ANTXR2: variants seen among roughly 807,000 people sequenced by gnomAD.
ANTXR2 encodes ANTXR cell adhesion molecule 2.
A neutral mutation model predicts 73.7 loss-of-function variants in ANTXR2; 44 were observed. The ratio of observed to expected loss-of-function variants is 0.60; its 90% CI spans 0.47 to 0.77. ANTXR2 has a LOEUF of 0.77. Among genes scored for constraint, ANTXR2 ranks in the 30% least tolerant of loss-of-function variants. ANTXR2 has a pLI of 0.00. For missense variants in ANTXR2, 604 were observed against 592.5 expected (o/e 1.02, Z -0.20); for synonymous variants, 217 against 205.9 (o/e 1.05, Z -0.46).
chr4:79,976,999 A>G lies in ANTXR2; in HGVS notation c.1428+622T>C, dbSNP rs1316309110. Among the ~76,000 whole-genome samples the G allele has an allele frequency of 5.3e-5, 8 of 152,250 alleles. No homozygotes were observed. The East Asian group carries it at 1.5e-3, about 29-fold the overall frequency. ...ATAGTACTACTATATTACTGAAATT[A>G]CAAAACTAGAGTAATTGTAGCCATA... On this transcript the variant is annotated intron_variant, in intron 16 of 16. Coordinates refer to ENST00000403729, the MANE Select transcript of ANTXR2 (RefSeq NM_058172.6).
intron 14 of ANTXR2, among the ~76,000 whole-genome samples, chr4:79,981,240 TGAGTA>T (rs1201315687): frequency 4.6e-5 from 7 of 152,310 alleles, no homozygotes; most frequent in African/African-American, 1.7e-4. Context: ...ATATACAGGT[TGAGTA>T]TAGTTCAAAA....
rs773943397 is a variant in ANTXR2 at position 80,055,470 on chromosome 4, G to A, written c.379-3C>T. 1 of 1,598,772 alleles carries A rather than the reference G, an allele frequency of 6.3e-7. No individual in the cohort carries two copies. Among genetic ancestry groups the A allele is most frequent in the Non-Finnish European group, 8.6e-7 (1 of 1,168,506 alleles). On this transcript the variant is annotated splice_polypyrimidine_tract_variant and splice_region_variant and intron_variant, in intron 4 of 16. Transcript: ENST00000403729. Reference sequence around the variant, plus strand: ...GCTTTCTGAATTTGTTCATTCGCCTGAAAATGAAGAATAATTATCCAACTC... The same window carrying A: ...GCTTTCTGAATTTGTTCATTCGCCTAAAAATGAAGAATAATTATCCAACTC...
chr4:79,958,053 T>G (rs974469102), intron 16 of ANTXR2, among the ~76,000 whole-genome samples: 1 of 152,072 alleles, frequency 6.6e-6, no homozygotes, highest in African/African-American at 2.4e-5. Context: ...CTCTTCCCTA[T>G]TCTTCATCTT....
At chr4:80,053,504 G>A (rs937485610) in intron 7 of ANTXR2, among the ~76,000 whole-genome samples, 5 of 151,714 alleles carry the variant, frequency 3.3e-5, no homozygotes, top group East Asian at 3.9e-4. Flanking sequence ...AGAAGAAACT[G>A]ATATTTTTTC....
In ANTXR2 at chr4:80,031,675, C is replaced by CACTT. The variant is rs746852524; in HGVS notation, c.810_813dup (p.Val272LysfsTer5). On this transcript the variant is annotated frameshift_variant, in exon 10 of 17. Transcript: ENST00000403729. LOFTEE classifies it high-confidence loss of function. ...GGACAAAGCATAGAATTAAGCTGTA[C>CACTT]ACTTACTGGTTTTACACCTAGAAAA... 6.6e-7 allele frequency: 1 copy of CACTT among 1,514,292 alleles called. No individual in the cohort carries two copies. Among genetic ancestry groups the CACTT allele is most frequent in the Non-Finnish European group, 8.8e-7 (1 of 1,137,466 alleles). The allele number at this position is 1,514,292 out of a possible 1,614,324, so 93.8% of individuals were successfully genotyped here.
chr4:80,007,228 A>G (rs1337688173), intron 12 of ANTXR2, among the ~76,000 whole-genome samples: 1 of 152,190 alleles, frequency 6.6e-6, no homozygotes, highest in African/African-American at 2.4e-5. Context: ...AAGGATGATG[A>G]AATCAGTCAG....
At chr4:79,918,297 A>G (rs998608154) in intron 16 of ANTXR2, among the ~76,000 whole-genome samples, 2 of 152,108 alleles carry the variant, frequency 1.3e-5, no homozygotes, top group Admixed American at 1.3e-4. Flanking sequence ...CTACTTGAAA[A>G]ATAAATGCTC....
At chr4:80,071,790 A>G (rs1393777885) in intron 1 of ANTXR2, 136 bp from the exon 2 acceptor site, 1 of 665,922 alleles carries the variant, frequency 1.5e-6, no homozygotes, top group Admixed American at 2.9e-5. Context: ...GGGTATCTGT[A>G]GCTGAAACTT....
intron 7 of ANTXR2, among the ~76,000 whole-genome samples, chr4:80,053,481 A>T (rs1172271789): frequency 6.6e-6 from 1 of 151,900 alleles, no homozygotes; most frequent in Admixed American, 6.6e-5. Flanking sequence ...TTAAAATCCC[A>T]GAACCAAATG....
At chr4:80,051,766 A>T (rs1733782832) in intron 7 of ANTXR2, among the ~76,000 whole-genome samples, 2 of 151,746 alleles carry the variant, frequency 1.3e-5, no homozygotes, top group African/African-American at 4.8e-5. Flanking sequence ...TAAAAGCAGA[A>T]CTACTACAGT....
At chr4:79,978,804 T>G (rs1300692404) in intron 14 of ANTXR2, among the ~76,000 whole-genome samples, 2 of 152,232 alleles carry the variant, frequency 1.3e-5, no homozygotes, top group Non-Finnish European at 2.9e-5. Flanking sequence ...ATGTATTTTA[T>G]ACAAAAGAGT....
intron 16 of ANTXR2, among the ~76,000 whole-genome samples, chr4:79,928,636 A>G (rs925054066): frequency 2.6e-5 from 4 of 152,154 alleles, no homozygotes. Flanking sequence ...ACAAATTTTA[A>G]AAAATCTATA....
At chr4:79,994,495 G>A (rs1220730267) in intron 12 of ANTXR2, among the ~76,000 whole-genome samples, 2 of 151,790 alleles carry the variant, frequency 1.3e-5, no homozygotes, top group African/African-American at 4.8e-5. Context: ...TCACTTCATC[G>A]TGAGGACTTC....
chr4:79,934,885 G>GTA (rs1728198571), intron 16 of ANTXR2, among the ~76,000 whole-genome samples: 1 of 151,642 alleles, frequency 6.6e-6, no homozygotes, highest in African/African-American at 2.4e-5. Flanking sequence ...TTTCATGAAG[G>GTA]ATACACACTA....
At chr4:79,999,944 T>C (rs981935391) in intron 12 of ANTXR2, among the ~76,000 whole-genome samples, 6 of 151,956 alleles carry the variant, frequency 3.9e-5, no homozygotes, top group Admixed American at 3.9e-4. Context: ...CAACTATAAA[T>C]ATGATATGGG....
At chr4:79,935,814 C>A (rs1728239897) in intron 16 of ANTXR2, among the ~76,000 whole-genome samples, 1 of 152,166 alleles carries the variant, frequency 6.6e-6, no homozygotes, top group Non-Finnish European at 1.5e-5. Context: ...ACGTTGTTGG[C>A]TACTTGTGTT....
rs1726950134 is a variant in ANTXR2, at chr4:79,907,221, C to T, written c.*208G>A. ...TAAATCATGAGTTACCACTGAGTTT[C>T]ATCACCTCCCATGTAGATGGCAGAA... is the stretch of plus-strand genomic sequence containing the variant. On this transcript the variant is annotated 3_prime_UTR_variant, in exon 17 of 17. Coordinates refer to ENST00000403729, the MANE Select transcript of ANTXR2 (RefSeq NM_058172.6). 3 of 602,490 alleles carry T rather than the reference C, an allele frequency of 5.0e-6. No homozygotes were observed. The highest frequency in any genetic ancestry group is 8.7e-6 in the Non-Finnish European group (3 of 344,538). The allele number at this position is 602,490 out of a possible 1,614,324, so 37.3% of individuals were successfully genotyped here.
intron 16 of ANTXR2, among the ~76,000 whole-genome samples, chr4:79,924,023 A>G (rs1020922837): frequency 1.3e-5 from 2 of 152,136 alleles, no homozygotes; most frequent in African/African-American, 4.8e-5. Context: ...TGGGGAGTAC[A>G]TGTGCAGGTT....
At chr4:80,011,536 A>C (rs1017339228) in intron 11 of ANTXR2, among the ~76,000 whole-genome samples, 16 of 152,168 alleles carry the variant, frequency 1.1e-4, no homozygotes, top group African/African-American at 3.9e-4. Flanking sequence ...TATTTATTAG[A>C]ACTTTTTCAG....
Sources: allele counts gnomAD v4.1 joint callset (sites outside exome capture counted in the v4.1 genomes callset), GRCh38; gene constraint gnomAD v4.1.1; transcripts MANE v1.5; gene names NCBI Gene and HGNC (gene_info 2026-07-23, HGNC 2026-07-21).